PTGFR: variants seen among roughly 807,000 people sequenced by gnomAD.
The protein encoded by PTGFR is prostaglandin F2-alpha receptor.
In PTGFR, 15 loss-of-function variants were observed where a neutral mutation model predicts 26.2. The observed-to-expected ratio is 0.57, with a 90% CI of 0.38 to 0.88. The LOEUF is 0.88. Among genes scored for constraint, PTGFR ranks in the 40% least tolerant of loss-of-function variants. The pLI, the probability that PTGFR is intolerant of heterozygous loss-of-function variation, is 0.00. For missense variants in PTGFR, 369 were observed against 427.2 expected, an observed-to-expected ratio of 0.86 and a Z score of 1.20; for synonymous variants, 165 against 151.1, an observed-to-expected ratio of 1.09 and a Z score of -0.68.
Position 78,493,066 on chromosome 1 carries a change from G to C in PTGFR, c.323G>C (p.Cys108Ser). 6.2e-7 allele frequency: 1 copy of C among 1,614,226 alleles called. No homozygotes were observed. Among genetic ancestry groups the C allele is most frequent in the Non-Finnish European group, 8.5e-7 (1 of 1,180,050 alleles). Residue 108 changes from cysteine (C) to serine (S), a missense_variant, in exon 2 of 3, where the codon TGC becomes TCC. Coordinates refer to ENST00000370757, the MANE Select transcript of PTGFR (RefSeq NM_000959.4). ...CGCTTTGACCAATCAAATGTCCTTT[G>C]CAGTATTTTTGGTATCTGCATGGTG... ...WIRFDQSNVL[C>S]SIFGICMVFS...
At position 78,537,174 on chromosome 1, in the gene PTGFR, G is replaced by A. The variant is rs1321796208; in HGVS notation, c.*487G>A. 6.5e-6 allele frequency: 1 copy of A among 152,904 alleles called. No homozygotes were observed. Among genetic ancestry groups the A allele is most frequent in the Non-Finnish European group, 1.5e-5 (1 of 68,746 alleles). The allele number at this position is 152,904 out of a possible 1,614,324, so 9.5% of individuals were successfully genotyped here. On this transcript the variant is annotated 3_prime_UTR_variant, in exon 3 of 3. Transcript: ENST00000370757. ...GTGTAGCCTCAATTAACACATGCATGGTCATGACACCCAGAATTCATGATG... is the reference window on the plus strand; with the variant it reads ...GTGTAGCCTCAATTAACACATGCATAGTCATGACACCCAGAATTCATGATG...
At chr1:78,508,990 A>G (rs1649891013) in intron 2 of PTGFR, among the ~76,000 whole-genome samples, 1 of 152,194 alleles carries the variant, frequency 6.6e-6, no homozygotes, top group Admixed American at 6.5e-5. Flanking sequence ...CATTCTTATT[A>G]GTGGAATATA....
intron 2 of PTGFR, among the ~76,000 whole-genome samples, chr1:78,515,696 A>G (rs534834732): frequency 1.3e-5 from 2 of 152,346 alleles, no homozygotes; most frequent in African/African-American, 4.8e-5. Flanking sequence ...CTCTCTGTAG[A>G]TAAAATATAG....
At chr1:78,521,222 A>T (rs979534032) in intron 2 of PTGFR, among the ~76,000 whole-genome samples, 3 of 152,162 alleles carry the variant, frequency 2.0e-5, no homozygotes, top group African/African-American at 7.2e-5. Context: ...ATTATGGGAA[A>T]AACAATTATT....
At position 78,499,586 on chromosome 1, in the gene PTGFR, T is replaced by A. The variant is rs189459170; in HGVS notation, c.798+6045T>A. On this transcript the variant is annotated intron_variant, in intron 2 of 2. Coordinates refer to ENST00000370757, the MANE Select transcript of PTGFR (RefSeq NM_000959.4). Reference sequence around the variant, plus strand: ...GGACCTGGTTGATAGCCCCTGGGAATACCTGTAGTACTTTGAATTGTGATT... The same window carrying A: ...GGACCTGGTTGATAGCCCCTGGGAAAACCTGTAGTACTTTGAATTGTGATT... Among the ~76,000 whole-genome samples, 327 of 152,346 alleles carry A rather than the reference T, an allele frequency of 2.1e-3. 2 individuals are homozygous for A. Among genetic ancestry groups the A allele is most frequent in the Admixed American group, 4.3e-3 (66 of 15,308 alleles).
At chr1:78,521,295 A>G (rs899005445) in intron 2 of PTGFR, among the ~76,000 whole-genome samples, 3 of 152,152 alleles carry the variant, frequency 2.0e-5, no homozygotes, top group Admixed American at 1.3e-4. Flanking sequence ...GATTTCAAAA[A>G]GAGAAATATA....
chr1:78,493,277 A>G lies in PTGFR; in HGVS notation c.534A>G (p.Lys178=). Residue 178 remains lysine, a synonymous_variant, in exon 2 of 3, where the codon AAA becomes AAG. Coordinates refer to ENST00000370757, the MANE Select transcript of PTGFR (RefSeq NM_000959.4). ...LLPILGHRDY[K]IQASRTWCFY... is the part of the protein sequence containing the mutation. Reference sequence around the variant, plus strand: ...CCATCCTTGGACATCGAGACTATAAAATTCAGGCGTCGAGGACCTGGTGTT... The same window carrying G: ...CCATCCTTGGACATCGAGACTATAAGATTCAGGCGTCGAGGACCTGGTGTT... The G allele has an allele frequency of 6.2e-7, 1 of 1,614,166 alleles. No individual in the cohort carries two copies. Among genetic ancestry groups the G allele is most frequent in the Non-Finnish European group, 8.5e-7 (1 of 1,180,016 alleles).
At chr1:78,511,125 T>C (rs1476706342) in intron 2 of PTGFR, among the ~76,000 whole-genome samples, 5 of 152,194 alleles carry the variant, frequency 3.3e-5, no homozygotes, top group African/African-American at 1.2e-4. Flanking sequence ...AATCTGCAAG[T>C]GGCTGTACCA....
chr1:78,496,443 T>C (rs1649554882), intron 2 of PTGFR, among the ~76,000 whole-genome samples: 1 of 152,198 alleles, frequency 6.6e-6, no homozygotes, highest in African/African-American at 2.4e-5. Context: ...CCCTATTTCA[T>C]ACCATGTGCC....
chr1:78,535,314 T>G (rs1161189699), intron 2 of PTGFR, among the ~76,000 whole-genome samples: 1 of 151,982 alleles, frequency 6.6e-6, no homozygotes, highest in Non-Finnish European at 1.5e-5. Flanking sequence ...ATTATAGAAA[T>G]AGACTTCAGA....
intron 2 of PTGFR, among the ~76,000 whole-genome samples, chr1:78,511,702 C>T (rs61769136): frequency 0.053 from 8,011 of 152,258 alleles, 254 homozygotes; most frequent in African/African-American, 0.088. Flanking sequence ...AGTGGTTGCT[C>T]CCAGCCCACA....
chr1:78,524,278 T>G (rs1266555063), intron 2 of PTGFR, among the ~76,000 whole-genome samples: 2 of 152,056 alleles, frequency 1.3e-5, no homozygotes, highest in African/African-American at 2.4e-5. Flanking sequence ...GGCTTCATAA[T>G]GCACTGGAGC....
chr1:78,512,338 G>C (rs998021083), intron 2 of PTGFR, among the ~76,000 whole-genome samples: 53 of 152,120 alleles, frequency 3.5e-4, no homozygotes, highest in Admixed American at 3.5e-3. Context: ...AAGAAAAGAG[G>C]TTGAATTGGC....
chr1:78,491,957 C>G (rs1284426732), intron 1 of PTGFR, among the ~76,000 whole-genome samples: 1 of 152,204 alleles, frequency 6.6e-6, no homozygotes, highest in Non-Finnish European at 1.5e-5. Context: ...GAAGCTGTAA[C>G]TGGACAGGAT....
intron 2 of PTGFR, among the ~76,000 whole-genome samples, chr1:78,511,713 T>A (rs1465922041): frequency 6.6e-6 from 1 of 152,186 alleles, no homozygotes; most frequent in Non-Finnish European, 1.5e-5. Flanking sequence ...CCAGCCCACA[T>A]AAATTCCTCT....
At chr1:78,534,194 CTG>C (rs1396532071) in intron 2 of PTGFR, among the ~76,000 whole-genome samples, 1 of 152,130 alleles carries the variant, frequency 6.6e-6, no homozygotes, top group African/African-American at 2.4e-5. Flanking sequence ...GTATGAAAGA[CTG>C]TGTGTATGAT....
chr1:78,500,658 G>A (rs1440360411), intron 2 of PTGFR, among the ~76,000 whole-genome samples: 1 of 152,220 alleles, frequency 6.6e-6, no homozygotes, highest in Non-Finnish European at 1.5e-5. Flanking sequence ...GCGTGCAGAT[G>A]TCTGCCCCAA....
chr1:78,492,484 C>A (rs1649428308), intron 1 of PTGFR, among the ~76,000 whole-genome samples, 188 bp from the exon 2 acceptor site: 1 of 152,200 alleles, frequency 6.6e-6, no homozygotes, highest in East Asian at 1.9e-4. Context: ...TCAATTTCAA[C>A]AGCTTCTTCA....
In PTGFR at chr1:78,491,713, T is replaced by G. The variant is rs146612074; in HGVS notation, c.-73+477T>G. 5.3e-4 allele frequency among the ~76,000 whole-genome samples: 81 copies of G among 152,294 alleles called. No individual in the cohort carries two copies. The East Asian group carries it at 9.3e-3, about 17-fold the overall frequency. ...CGAAAGTCGAACTGTGAGTAAGACC[T>G]GGAGAAGGCGACCGTCCTGGGGGTA... is the stretch of plus-strand genomic sequence containing the variant. On this transcript the variant is annotated intron_variant, in intron 1 of 2. Transcript: ENST00000370757.
Sources: allele counts gnomAD v4.1 joint callset (sites outside exome capture counted in the v4.1 genomes callset), GRCh38; gene constraint gnomAD v4.1.1; transcripts MANE v1.5; gene names NCBI Gene and HGNC (gene_info 2026-07-23, HGNC 2026-07-21).